The following KLRC1 variants were observed in gnomAD, a reference collection of about 807,000 sequenced individuals.
The protein encoded by KLRC1 is killer cell lectin like receptor C1.
A neutral mutation model predicts 25.9 loss-of-function variants in KLRC1; 22 were observed. The observed-to-expected ratio is 0.85, with a 90% CI of 0.61 to 1.21. The LOEUF is 1.21. KLRC1 is among the 50% of genes most tolerant of loss of function. The pLI is 0.00. For missense variants in KLRC1, 240 were observed against 272.2 expected, an observed-to-expected ratio of 0.88 and a Z score of 0.83; for synonymous variants, 77 against 93.1, an observed-to-expected ratio of 0.83 and a Z score of 0.99.
Position 10,453,340 on chromosome 12 carries a change from A to AGACT in KLRC1, c.-178_-175dup. The stretch of plus-strand genomic sequence containing the variant: ...AACAAACAATGCCTGCAATCTTCGC[A>AGACT]GACTGCCCTGTGAAGGCTCAGAGTG... On this transcript the variant is annotated 5_prime_UTR_variant, in exon 1 of 7. Transcript: ENST00000359151. The AGACT allele has an allele frequency of 1.0e-6, 1 of 985,458 alleles. No homozygotes were observed. The highest frequency in any genetic ancestry group is 1.2e-6 in the Non-Finnish European group (1 of 829,924). The allele number at this position is 985,458 out of a possible 1,614,324, so 61.0% of individuals were successfully genotyped here. A position where few individuals can be genotyped will look rare whatever the true frequency, so the allele number is the denominator to read the frequency against.
At chr12:10,450,917 C>A (rs1259194314) in intron 2 of KLRC1, 53 bp downstream of exon 2, 7 of 1,345,922 alleles carry the variant, frequency 5.2e-6, no homozygotes, top group African/African-American at 2.9e-5. Flanking sequence ...CATTCCTGTA[C>A]CCCAAGCTGC....
intron 6 of KLRC1, among the ~76,000 whole-genome samples, 158 bp from the exon 7 acceptor site, chr12:10,446,820 G>A (rs1410252535): frequency 6.6e-6 from 1 of 152,178 alleles, no homozygotes; most frequent in African/African-American, 2.4e-5. Flanking sequence ...ACTCAACAGA[G>A]TAGTCCCCCT....
rs763411610 is a variant in KLRC1 at position 10,450,951 on chromosome 12, G to T, written c.187+19C>A. On this transcript the variant is annotated intron_variant, in intron 2 of 6. Coordinates refer to ENST00000359151, the MANE Select transcript of KLRC1 (RefSeq NM_002259.5). ...GCACATCCTAGACTGTTATATTGAG[G>T]ATCTTTTAAATGCTTTACCTTTGCA... 8 of 1,572,944 alleles carry T rather than the reference G, an allele frequency of 5.1e-6. 1 individual carries two copies. In the African/African-American group the frequency reaches 6.8e-5, roughly 13 times the overall value.
rs1422488506 is a variant in KLRC1, at chr12:10,449,247, T to G, written c.479A>C (p.Glu160Ala). 1.1e-5 allele frequency: 17 copies of G among 1,613,728 alleles called. No individual in the cohort carries two copies. The Admixed American group carries it at 2.8e-4, about 27-fold the overall frequency. ...ACATTTACATCTTACCATTTCTTCT[T>G]CATTATCTATAGAAAGCAGACTGGA... ...KNSSLLSIDNEEEMKFLSIIS... is the reference protein window; with the variant it reads ...KNSSLLSIDNAEEMKFLSIIS... The change falls in exon 5 of 7, where the codon GAA becomes GCA. Residue 160 changes from glutamate to alanine, a missense_variant. By Grantham distance (107) the Glu-to-Ala change is moderately radical. Transcript: ENST00000359151.
At chr12:10,451,263 G>T in intron 1 of KLRC1, 76 bp from the exon 2 acceptor site, 2 of 787,680 alleles carry the variant, frequency 2.5e-6, no homozygotes, top group Non-Finnish European at 3.6e-6. Flanking sequence ...AGGGTGAGGT[G>T]GAGAACGAGT....
chr12:10,450,216 T>C (rs573858387), intron 3 of KLRC1: 1 of 431,984 alleles, frequency 2.3e-6, no homozygotes, highest in South Asian at 6.5e-5. Flanking sequence ...AAAATTAATT[T>C]CTATTTCTCA....
chr12:10,450,726 AGAATAATATACCATTGAATTTTCAG>A, intron 2 of KLRC1, 147 bp from the exon 3 acceptor site: 1 of 637,388 alleles, frequency 1.6e-6, no homozygotes, highest in South Asian at 2.1e-5. Flanking sequence ...TCTTTTTCTC[AGAATAATATACCATTGAATTTTCAG>A]GAAAAATAAT....
At chr12:10,452,642 T>C (rs1447426437) in intron 1 of KLRC1, among the ~76,000 whole-genome samples, 1 of 152,202 alleles carries the variant, frequency 6.6e-6, no homozygotes, top group Non-Finnish European at 1.5e-5. Flanking sequence ...AATCTTCAGA[T>C]AAGTCTCCTA....
intron 2 of KLRC1, 142 bp downstream of exon 2, chr12:10,450,828 C>T (rs1864108129): frequency 1.4e-6 from 1 of 696,626 alleles, no homozygotes; most frequent in Non-Finnish European, 2.5e-6. Context: ...TCATACTTTA[C>T]ATTGAAATAG....
At chr12:10,445,818 C>G (rs1034644206), downstream of KLRC1, among the ~76,000 whole-genome samples, 1 of 151,872 alleles carries the variant, frequency 6.6e-6, no homozygotes, top group Admixed American at 6.6e-5. Flanking sequence ...AATCAGGATG[C>G]CATTTACAAA....
chr12:10,451,350 A>G (rs1361444642), intron 1 of KLRC1, 163 bp from the exon 2 acceptor site: 2 of 446,724 alleles, frequency 4.5e-6, no homozygotes, highest in Non-Finnish European at 7.4e-6. Flanking sequence ...TTTCTTATGA[A>G]TATTTGTTTT....
At chr12:10,454,005 A>C (rs1160023256), upstream of KLRC1, among the ~76,000 whole-genome samples, 1 of 152,248 alleles carries the variant, frequency 6.6e-6, no homozygotes, top group Admixed American at 6.5e-5. Context: ...TATTCATTAC[A>C]TTCTTCATTT....
chr12:10,449,034 T>C (rs2734441), intron 5 of KLRC1, among the ~76,000 whole-genome samples: 60,987 of 152,080 alleles, frequency 0.4, 13,781 homozygotes, highest in East Asian at 0.77. Flanking sequence ...TGGTTTTCCA[T>C]GAAAAGCAAA....
chr12:10,453,138 C>T (rs543940333), intron 1 of KLRC1, 60 bp downstream of exon 1: 1 of 752,150 alleles, frequency 1.3e-6, no homozygotes, highest in Admixed American at 6.3e-5. Context: ...ATATTGAGCA[C>T]TTGAAATCAC....
In KLRC1 at chr12:10,447,644, G is replaced by C. The variant is rs1210340797; in HGVS notation, c.490-12C>G. On this transcript the variant is annotated splice_polypyrimidine_tract_variant and intron_variant, in intron 5 of 6. Transcript: ENST00000359151. ...ATGGACAGAAATTTCTAAAAGAAAA[G>C]AAAGAATTTTCACTTAAATAATAAT... 6.4e-7 allele frequency: 1 copy of C among 1,572,018 alleles called. No individual in the cohort carries two copies. Among genetic ancestry groups the C allele is most frequent in the Admixed American group, 1.8e-5 (1 of 56,244 alleles).
chr12:10,452,128 A>C (rs925282974), intron 1 of KLRC1, among the ~76,000 whole-genome samples: 1 of 151,734 alleles, frequency 6.6e-6, no homozygotes, highest in African/African-American at 2.4e-5. Flanking sequence ...AGTATTAGGA[A>C]CACTACATAA....
downstream of KLRC1, among the ~76,000 whole-genome samples, chr12:10,444,681 T>C (rs151284042): frequency 0.068 from 10,336 of 152,212 alleles, 730 homozygotes; most frequent in South Asian, 0.26. Context: ...TAAACTTTCC[T>C]AGAAAAATAG....
chr12:10,447,704 G>GA (rs1316245611), intron 5 of KLRC1, 72 bp from the exon 6 acceptor site: 1 of 1,306,468 alleles, frequency 7.7e-7, no homozygotes, highest in African/African-American at 1.5e-5. Flanking sequence ...TATTAAATTT[G>GA]AAAACCACTA....
downstream of KLRC1, among the ~76,000 whole-genome samples, chr12:10,445,603 G>C (rs549928398): frequency 2.6e-4 from 39 of 152,012 alleles, no homozygotes; most frequent in South Asian, 8.1e-3. Flanking sequence ...ATAAAACTAC[G>C]TTATAGCATA....
Sources: allele counts gnomAD v4.1 joint callset (sites outside exome capture counted in the v4.1 genomes callset), GRCh38; gene constraint gnomAD v4.1.1; transcripts MANE v1.5; gene names NCBI Gene and HGNC (gene_info 2026-07-23, HGNC 2026-07-21).